The following TP63 variants were observed in gnomAD, a reference collection of about 807,000 sequenced individuals.
TP63 encodes tumor protein p63.
In TP63, 17 loss-of-function variants were observed where a neutral mutation model predicts 82.8. The ratio of observed to expected loss-of-function variants is 0.21; its 90% CI spans 0.14 to 0.31. The LOEUF is 0.31. Ranked by LOEUF, TP63 falls within the 10% of genes least tolerant of loss-of-function variation. The pLI is 1.00. For synonymous variants in TP63, 330 were observed against 321.7 expected (o/e 1.03, Z -0.28); for missense variants, 648 against 895.3 (o/e 0.72, Z 3.52).
chr3:189,665,363 C>G (rs1714294280), intron 1 of TP63, among the ~76,000 whole-genome samples: 1 of 152,118 alleles, frequency 6.6e-6, no homozygotes, highest in South Asian at 2.1e-4. Context: ...CTGCTATTCA[C>G]AAATTCAACC....
intron 4 of TP63, among the ~76,000 whole-genome samples, chr3:189,832,508 A>G (rs1712516826): frequency 6.6e-6 from 1 of 152,244 alleles, no homozygotes. Flanking sequence ...AGGGTAAAAT[A>G]AAAGGCTCTT....
chr3:189,728,272 G>GT (rs1719913965), intron 1 of TP63, among the ~76,000 whole-genome samples: 1 of 151,944 alleles, frequency 6.6e-6, no homozygotes, highest in Non-Finnish European at 1.5e-5. Flanking sequence ...GGAAAATAAT[G>GT]TTTTTTAAGT....
chr3:189,741,125 T>C (rs148737552), intron 3 of TP63, among the ~76,000 whole-genome samples: 53 of 151,808 alleles, frequency 3.5e-4, no homozygotes, highest in Non-Finnish European at 5.9e-5. Context: ...GAGGCATCTG[T>C]ATTGAAAGGA....
intron 4 of TP63, among the ~76,000 whole-genome samples, chr3:189,859,310 A>T (rs1716712587): frequency 6.6e-6 from 1 of 152,208 alleles, no homozygotes; most frequent in Non-Finnish European, 1.5e-5. Context: ...AAGGGGGAGA[A>T]CACAGTCTGT....
At chr3:189,855,811 A>G (rs1373532128) in intron 4 of TP63, among the ~76,000 whole-genome samples, 2 of 152,082 alleles carry the variant, frequency 1.3e-5, no homozygotes, top group African/African-American at 4.8e-5. Flanking sequence ...TTTTTCCAGA[A>G]TTCTGTGTGC....
intron 4 of TP63, among the ~76,000 whole-genome samples, chr3:189,810,185 G>A (rs1305693364): frequency 2.0e-5 from 3 of 152,120 alleles, no homozygotes; most frequent in Non-Finnish European, 2.9e-5. Context: ...TTCTGGAGGC[G>A]ATGGATACTG....
intron 1 of TP63, among the ~76,000 whole-genome samples, chr3:189,699,282 C>G (rs1717625392): frequency 6.6e-6 from 1 of 152,170 alleles, no homozygotes; most frequent in African/African-American, 2.4e-5. Context: ...GGTCCCAAGA[C>G]TAATGTGACT....
intron 1 of TP63, among the ~76,000 whole-genome samples, chr3:189,655,422 C>T (rs1439463213): frequency 6.6e-6 from 1 of 152,034 alleles, no homozygotes; most frequent in African/African-American, 2.4e-5. Flanking sequence ...GTCAAGAGTT[C>T]GAGGCCAGGC....
intron 1 of TP63, among the ~76,000 whole-genome samples, chr3:189,732,696 A>G (rs1248624326): frequency 1.3e-5 from 2 of 152,240 alleles, no homozygotes; most frequent in Admixed American, 6.5e-5. Context: ...GCCTCAAAGC[A>G]TGTCATTAGC....
intron 1 of TP63, among the ~76,000 whole-genome samples, chr3:189,698,935 G>C (rs1408812526): frequency 6.6e-6 from 1 of 151,972 alleles, no homozygotes; most frequent in African/African-American, 2.4e-5. Context: ...AAATTCTATT[G>C]GTATAAAACA....
At chr3:189,891,173 A>G (rs561101667) in intron 13 of TP63, among the ~76,000 whole-genome samples, 1 of 152,188 alleles carries the variant, frequency 6.6e-6, no homozygotes, top group African/African-American at 2.4e-5. Context: ...CAATCAAAAC[A>G]TTCATAATTT....
chr3:189,763,172 G>A (rs943286464), intron 3 of TP63, among the ~76,000 whole-genome samples: 120 of 152,238 alleles, frequency 7.9e-4, no homozygotes, highest in African/African-American at 2.7e-3. Context: ...TACTAAGGAG[G>A]CTGAGATGGG....
intron 1 of TP63, among the ~76,000 whole-genome samples, chr3:189,710,678 C>G (rs1260928924): frequency 6.6e-6 from 1 of 152,006 alleles, no homozygotes; most frequent in Non-Finnish European, 1.5e-5. Context: ...CTTAAAATGG[C>G]CATCTTGGAG....
At chr3:189,812,393 T>C (rs1727664878) in intron 4 of TP63, among the ~76,000 whole-genome samples, 1 of 152,162 alleles carries the variant, frequency 6.6e-6, no homozygotes, top group African/African-American at 2.4e-5. Flanking sequence ...CAAACCAACG[T>C]TTACTTTAGT....
chr3:189,876,837 A>G (rs1430682765), intron 10 of TP63, among the ~76,000 whole-genome samples: 1 of 152,236 alleles, frequency 6.6e-6, no homozygotes, highest in African/African-American at 2.4e-5. Context: ...TCATTTGAAA[A>G]GAATAAATCA....
chr3:189,865,050 G>T (rs1717539456), intron 5 of TP63, among the ~76,000 whole-genome samples: 1 of 151,966 alleles, frequency 6.6e-6, no homozygotes, highest in Admixed American at 6.6e-5. Flanking sequence ...GGTGCCAGGA[G>T]ACTACATGGT....
intron 3 of TP63, among the ~76,000 whole-genome samples, chr3:189,758,302 C>T (rs1234819014): frequency 6.6e-6 from 1 of 152,220 alleles, no homozygotes; most frequent in Non-Finnish European, 1.5e-5. Context: ...CTACCTCTCA[C>T]CTCCTGCTGT....
intron 3 of TP63, among the ~76,000 whole-genome samples, chr3:189,754,538 A>G (rs935711399): frequency 3.3e-5 from 5 of 152,098 alleles, no homozygotes; most frequent in African/African-American, 1.2e-4. Context: ...CTGGTTAACA[A>G]TATTACTAGG....
intron 1 of TP63, among the ~76,000 whole-genome samples, chr3:189,649,779 A>T (rs1712736371): frequency 6.8e-6 from 1 of 147,094 alleles, no homozygotes; most frequent in South Asian, 2.2e-4. Flanking sequence ...GAGAAAGAGC[A>T]TTCCAGACAA....
Sources: allele counts gnomAD v4.1 joint callset (sites outside exome capture counted in the v4.1 genomes callset), GRCh38; gene constraint gnomAD v4.1.1; transcripts MANE v1.5; gene names NCBI Gene and HGNC (gene_info 2026-07-23, HGNC 2026-07-21).